The following TENM2 variants were observed in gnomAD, a reference collection of about 807,000 sequenced individuals.
TENM2 encodes the protein teneurin transmembrane protein 2, also known as teneurin-2.
In TENM2, 52 loss-of-function variants were observed where a neutral mutation model predicts 245.2. The observed-to-expected ratio is 0.21, with a 90% CI of 0.17 to 0.27. The LOEUF is 0.27. Ranked by LOEUF, TENM2 falls within the 10% of genes least tolerant of loss-of-function variation. The probability of loss-of-function intolerance (pLI) is 1.00; values close to 1 mark genes in which losing one functional copy is unlikely to be tolerated. For synonymous variants in TENM2, 1,363 were observed against 1,438.9 expected, an observed-to-expected ratio of 0.95 and a Z score of 1.19; for missense variants, 3,046 against 3,666.8, an observed-to-expected ratio of 0.83 and a Z score of 4.37.
chr5:168,158,590 T>C (rs952639828), intron 12 of TENM2, among the ~76,000 whole-genome samples: 1 of 151,504 alleles, frequency 6.6e-6, no homozygotes, highest in Non-Finnish European at 1.5e-5. Context: ...CATTGTAGGA[T>C]GTTGAGCAGC....
the TENM2 span, among the ~76,000 whole-genome samples, chr5:167,269,584 T>G: frequency 5.3e-5 from 8 of 152,060 alleles, no homozygotes; most frequent in Non-Finnish European, 1.2e-4. Context: ...ATGATGAAAG[T>G]GCATTGTACT....
chr5:167,516,915 G>A (rs1209888607), intron 2 of TENM2, among the ~76,000 whole-genome samples: 1 of 152,192 alleles, frequency 6.6e-6, no homozygotes, highest in Non-Finnish European at 1.5e-5. Context: ...ATGAGCACAA[G>A]ATATGTATTT....
chr5:167,082,568 AGC>A, the TENM2 span, among the ~76,000 whole-genome samples: 1 of 152,140 alleles, frequency 6.6e-6, no homozygotes, highest in South Asian at 2.1e-4. Context: ...ATCAGGCATG[AGC>A]CACCATACAC....
At chr5:167,576,060 A>G (rs1031500373) in intron 2 of TENM2, among the ~76,000 whole-genome samples, 19 of 152,158 alleles carry the variant, frequency 1.2e-4, no homozygotes, top group Non-Finnish European at 1.5e-5. Context: ...CTTTGCTTTT[A>G]TTTATGAAAA....
At chr5:167,179,247 C>G in the TENM2 span, among the ~76,000 whole-genome samples, 447 of 152,198 alleles carry the variant, frequency 2.9e-3, 1 homozygote, top group Non-Finnish European at 5.2e-3. Context: ...TTGATTTTAC[C>G]TTTGTTTGTT....
At chr5:168,088,850 C>A (rs374277445) in intron 7 of TENM2, among the ~76,000 whole-genome samples, 1 of 152,092 alleles carries the variant, frequency 6.6e-6, no homozygotes, top group Non-Finnish European at 1.5e-5. Flanking sequence ...GCGATTCTGA[C>A]GACGGGAAAG....
intron 3 of TENM2, among the ~76,000 whole-genome samples, chr5:167,946,849 G>A (rs1403936613): frequency 1.3e-5 from 2 of 152,184 alleles, no homozygotes; most frequent in African/African-American, 4.8e-5. Flanking sequence ...AATGATTTAT[G>A]TACAACACTT....
intron 13 of TENM2, among the ~76,000 whole-genome samples, chr5:168,185,450 G>A (rs1345440786): frequency 6.6e-6 from 1 of 151,938 alleles, no homozygotes; most frequent in Non-Finnish European, 1.5e-5. Flanking sequence ...ATCTACCATC[G>A]TGATCATCAT....
intron 2 of TENM2, among the ~76,000 whole-genome samples, chr5:167,401,469 G>T (rs1762362805): frequency 6.6e-6 from 1 of 152,132 alleles, no homozygotes; most frequent in South Asian, 2.1e-4. Context: ...AGCATTTGAG[G>T]ATTATTATTG....
chr5:167,254,465 C>A, the TENM2 span, among the ~76,000 whole-genome samples: 12 of 152,152 alleles, frequency 7.9e-5, no homozygotes, highest in Admixed American at 2.6e-4. Context: ...TATCCTACTT[C>A]TAAGGTAGAG....
chr5:168,161,984 A>G (rs1287402934), intron 12 of TENM2, among the ~76,000 whole-genome samples: 1 of 152,168 alleles, frequency 6.6e-6, no homozygotes, highest in Admixed American at 6.6e-5. Flanking sequence ...CGAATCCTGC[A>G]GTATTTTTAA....
intron 2 of TENM2, among the ~76,000 whole-genome samples, chr5:167,425,026 TG>T (rs1287527840): frequency 6.6e-6 from 1 of 152,236 alleles, no homozygotes; most frequent in Admixed American, 6.5e-5. Flanking sequence ...CATAAGGTTT[TG>T]CACAGTGCAA....
chr5:166,981,575 A>T, the TENM2 span, among the ~76,000 whole-genome samples: 27 of 152,322 alleles, frequency 1.8e-4, no homozygotes, highest in African/African-American at 6.5e-4. Context: ...ACACATGTGT[A>T]GGAAAAGATA....
chr5:167,537,942 G>A (rs941867203), intron 2 of TENM2, among the ~76,000 whole-genome samples: 3 of 152,214 alleles, frequency 2.0e-5, no homozygotes, highest in African/African-American at 7.2e-5. Context: ...CAACTTAGCT[G>A]TCAAACAAGC....
At chr5:168,195,679 CA>C (rs1581600674) in intron 15 of TENM2, among the ~76,000 whole-genome samples, 1 of 150,120 alleles carries the variant, frequency 6.7e-6, no homozygotes, top group African/African-American at 2.4e-5. Context: ...TGTTTTAAAT[CA>C]AAGGCAGTGC....
chr5:167,449,683 T>A (rs11134459), intron 2 of TENM2, among the ~76,000 whole-genome samples: 1 of 151,180 alleles, frequency 6.6e-6, no homozygotes, highest in East Asian at 1.9e-4. Flanking sequence ...TGGGGCCAGG[T>A]GCAGTGGCTC....
chr5:167,903,271 A>G (rs538288300), intron 3 of TENM2, among the ~76,000 whole-genome samples: 8 of 152,178 alleles, frequency 5.3e-5, no homozygotes, highest in South Asian at 2.1e-4. Context: ...TGTGAGCTCA[A>G]GAGTACCCAA....
chr5:167,712,755 A>G (rs565406869), intron 2 of TENM2, among the ~76,000 whole-genome samples: 43 of 152,340 alleles, frequency 2.8e-4, no homozygotes, highest in Admixed American at 7.8e-4. Flanking sequence ...GAATCTAGAC[A>G]TTAGAAAATT....
At chr5:167,474,425 C>A (rs1052038699) in intron 2 of TENM2, among the ~76,000 whole-genome samples, 2 of 152,130 alleles carry the variant, frequency 1.3e-5, no homozygotes, top group Admixed American at 6.5e-5. Flanking sequence ...TCCACAAGAA[C>A]CTGTTACAAC....
Sources: allele counts gnomAD v4.1 joint callset (sites outside exome capture counted in the v4.1 genomes callset), GRCh38; gene constraint gnomAD v4.1.1; transcripts MANE v1.5; gene names NCBI Gene and HGNC (gene_info 2026-07-23, HGNC 2026-07-21).